Variants in FRMD6 observed in about 807,000 individuals in gnomAD.
FRMD6 encodes the protein FERM domain-containing protein 6.
Under a neutral mutation model 73.2 loss-of-function variants are expected in FRMD6, and 37 were observed. That is an observed-to-expected ratio of 0.51 (90% confidence interval 0.39 to 0.66). The LOEUF (loss-of-function observed/expected upper bound fraction) is 0.66, where lower values mean the gene tolerates loss of function less well. Among genes scored for constraint, FRMD6 ranks in the 30% least tolerant of loss-of-function variants. The pLI is 0.00. For synonymous variants in FRMD6, 273 were observed against 282.2 expected (o/e 0.97, Z 0.33); for missense variants, 714 against 780.5 (o/e 0.91, Z 1.02).
chr14:51,435,161 C>T, the FRMD6 span, among the ~76,000 whole-genome samples: 97,581 of 152,062 alleles, frequency 0.64, 31,595 homozygotes, highest in African/African-American at 0.7. Context: ...GTATCAATGT[C>T]AATTTCCTGG....
chr14:51,724,405 C>A (rs1897828909), intron 12 of FRMD6, among the ~76,000 whole-genome samples: 1 of 152,052 alleles, frequency 6.6e-6, no homozygotes, highest in South Asian at 2.1e-4. Flanking sequence ...ACCAGGAAAT[C>A]GAAAAGGAAC....
At chr14:51,700,425 A>T (rs1267295183) in intron 3 of FRMD6, among the ~76,000 whole-genome samples, 1 of 152,002 alleles carries the variant, frequency 6.6e-6, no homozygotes, top group African/African-American at 2.4e-5. Context: ...TGGCATCCAT[A>T]CTTGTTTTTC....
the FRMD6 span, among the ~76,000 whole-genome samples, chr14:51,423,755 C>T: frequency 3.5e-4 from 53 of 152,318 alleles, 2 homozygotes; most frequent in South Asian, 0.011. Flanking sequence ...TTACCAGTTT[C>T]ATCTATTTAT....
intron 1 of FRMD6, among the ~76,000 whole-genome samples, chr14:51,558,738 C>T (rs763286108): frequency 5.3e-5 from 8 of 152,018 alleles, no homozygotes; most frequent in Non-Finnish European, 1.0e-4. Context: ...CATAGTAGCC[C>T]TTAGGTGTTT....
At chr14:51,642,357 T>A (rs1950922) in intron 2 of FRMD6, among the ~76,000 whole-genome samples, 104,152 of 151,994 alleles carry the variant, frequency 0.69, 36,178 homozygotes, top group Non-Finnish European at 0.75. Context: ...CTGGCCAACA[T>A]TGTGAAACCC....
At chr14:51,451,984 C>G in the FRMD6 span, among the ~76,000 whole-genome samples, 45 of 152,298 alleles carry the variant, frequency 3.0e-4, no homozygotes, top group African/African-American at 9.9e-4. Context: ...GGCTTTATCC[C>G]AAGCAATGGG....
chr14:51,688,868 A>T (rs186304695), intron 1 of FRMD6, among the ~76,000 whole-genome samples: 6 of 152,346 alleles, frequency 3.9e-5, no homozygotes, highest in Middle Eastern at 6.8e-3. Flanking sequence ...TGGAGATAAA[A>T]TTTCTATTAC....
In FRMD6 at chr14:51,585,301, A is replaced by G. The variant is rs372294260; in HGVS notation, c.-147+14891A>G. ...TAAACCATCTTTCACCTTCATACAT[A>G]TACACATACGACTTAAATTTGTCCC... is the stretch of plus-strand genomic sequence containing the variant. On this transcript the variant is annotated intron_variant, in intron 2 of 14. Coordinates refer to the FRMD6 transcript ENST00000356218. Among the ~76,000 whole-genome samples the G allele has an allele frequency of 5.3e-5, 8 of 152,222 alleles. No individual in the cohort carries two copies. In the East Asian group the frequency reaches 1.2e-3, roughly 22 times the overall value.
chr14:51,406,149 G>A, the FRMD6 span, among the ~76,000 whole-genome samples: 72 of 151,850 alleles, frequency 4.7e-4, no homozygotes, highest in South Asian at 0.011. Flanking sequence ...ATAGGTGAGC[G>A]GTCTTATTTT....
chr14:51,697,496 TA>T (rs1237865382), intron 2 of FRMD6, among the ~76,000 whole-genome samples: 1 of 152,028 alleles, frequency 6.6e-6, no homozygotes, highest in African/African-American at 2.4e-5. Flanking sequence ...ACTGAGGAGT[TA>T]GGGGGACTGG....
the FRMD6 span, among the ~76,000 whole-genome samples, chr14:51,458,643 A>G: frequency 1.3e-5 from 2 of 152,232 alleles, no homozygotes; most frequent in Admixed American, 1.3e-4. Context: ...AGTGAAAATG[A>G]AGAATTGAAA....
intron 1 of FRMD6, among the ~76,000 whole-genome samples, chr14:51,686,586 T>G (rs1594732162): frequency 6.6e-6 from 1 of 151,982 alleles, no homozygotes; most frequent in Non-Finnish European, 1.5e-5. Context: ...AGAGGCTGGG[T>G]GGGGTTTGAT....
At chr14:51,531,220 G>A (rs1885564247) in intron 1 of FRMD6, among the ~76,000 whole-genome samples, 1 of 152,168 alleles carries the variant, frequency 6.6e-6, no homozygotes, top group South Asian at 2.1e-4. Flanking sequence ...TCCTAGCAGT[G>A]ATTAAGGTTA....
intron 1 of FRMD6, among the ~76,000 whole-genome samples, chr14:51,510,193 G>A (rs971931401): frequency 6.6e-5 from 10 of 152,212 alleles, no homozygotes; most frequent in Admixed American, 2.0e-4. Flanking sequence ...CCAGCTCTGA[G>A]CTGAGCATTT....
chr14:51,702,123 T>C (rs60761549), intron 4 of FRMD6, among the ~76,000 whole-genome samples: 1,853 of 152,144 alleles, frequency 0.012, 50 homozygotes, highest in African/African-American at 0.042. Flanking sequence ...ATTTGGTATG[T>C]GGAATGTCAG....
chr14:51,679,304 A>G lies in FRMD6; in HGVS notation c.-146-10387A>G, dbSNP rs578089764. ...ATTATATAAAAATATACACACGTGT[A>G]TAGATGTATATATTTGCTATATATA... On this transcript the variant is annotated intron_variant, in intron 1 of 13. Coordinates refer to ENST00000344768, the MANE Select transcript of FRMD6 (RefSeq NM_001267046.2). Among the ~76,000 whole-genome samples the G allele has an allele frequency of 1.2e-3, 176 of 143,448 alleles. 2 individuals are homozygous for G. The highest frequency in any genetic ancestry group is 6.6e-4 in the Non-Finnish European group (43 of 65,440). The allele number at this position is 143,448 out of a possible 152,430, so 94.1% of individuals were successfully genotyped here. A position where few individuals can be genotyped will look rare whatever the true frequency, so the allele number is the denominator to read the frequency against.
chr14:51,475,931 G>A, the FRMD6 span, among the ~76,000 whole-genome samples: 5 of 152,204 alleles, frequency 3.3e-5, no homozygotes, highest in East Asian at 9.7e-4. Context: ...GTGCTTACAT[G>A]CTGAACCAGA....
chr14:51,405,256 T>A, the FRMD6 span, among the ~76,000 whole-genome samples: 1 of 152,232 alleles, frequency 6.6e-6, no homozygotes, highest in South Asian at 2.1e-4. Context: ...TGTGTCTTTA[T>A]GGTAGAATGA....
At chr14:51,443,259 G>T in the FRMD6 span, among the ~76,000 whole-genome samples, 1 of 152,128 alleles carries the variant, frequency 6.6e-6, no homozygotes, top group East Asian at 1.9e-4. Context: ...GTTTCATCAT[G>T]GGCAAGTCTG....
Sources: allele counts gnomAD v4.1 joint callset (sites outside exome capture counted in the v4.1 genomes callset), GRCh38; gene constraint gnomAD v4.1.1; transcripts MANE v1.5; gene names NCBI Gene and HGNC (gene_info 2026-07-23, HGNC 2026-07-21).